PCDH15: variants seen among roughly 807,000 people sequenced by gnomAD.
The protein encoded by PCDH15 is protocadherin-15.
A neutral mutation model predicts 178.5 loss-of-function variants in PCDH15; 129 were observed. The observed-to-expected ratio is 0.72, with a 90% CI of 0.63 to 0.84. The LOEUF is 0.84. Ranked by LOEUF, PCDH15 falls within the 40% of genes least tolerant of loss-of-function variation. The probability of loss-of-function intolerance (pLI) is 0.00; values close to 1 mark genes in which losing one functional copy is unlikely to be tolerated. For missense variants in PCDH15, 2,230 were observed against 2,099.9 expected (o/e 1.06, Z -1.21); for synonymous variants, 800 against 732.0 (o/e 1.09, Z -1.50).
At chr10:55,043,368 T>C (rs1840915665) in intron 2 of PCDH15, among the ~76,000 whole-genome samples, 1 of 152,046 alleles carries the variant, frequency 6.6e-6, no homozygotes, top group African/African-American at 2.4e-5. Flanking sequence ...TGTTCTCTCA[T>C]TGATTCTCTT....
chr10:53,975,208 T>C (rs891066395), intron 21 of PCDH15, among the ~76,000 whole-genome samples: 4 of 152,296 alleles, frequency 2.6e-5, no homozygotes, highest in Admixed American at 6.5e-5. Flanking sequence ...ATTGATTCCA[T>C]GTCTTAGCTA....
chr10:55,392,790 G>C (rs898505755), intron 2 of PCDH15, among the ~76,000 whole-genome samples: 1 of 151,786 alleles, frequency 6.6e-6, no homozygotes, highest in Non-Finnish European at 1.5e-5. Flanking sequence ...TTTGTAGAAG[G>C]CATTTGCAAA....
chr10:54,717,076 G>C (rs1221316573), intron 1 of PCDH15, among the ~76,000 whole-genome samples: 1 of 147,148 alleles, frequency 6.8e-6, no homozygotes, highest in Non-Finnish European at 1.5e-5. Context: ...GCTGAAACTG[G>C]ATCCCTTCCT....
intron 1 of PCDH15, among the ~76,000 whole-genome samples, chr10:54,720,653 T>C (rs192964880): frequency 6.6e-6 from 1 of 152,114 alleles, no homozygotes; most frequent in African/African-American, 2.4e-5. Flanking sequence ...TCAGTACAAC[T>C]TTCTTCACAA....
At chr10:55,049,566 C>CTCTTTCAT (rs1369483588) in intron 2 of PCDH15, among the ~76,000 whole-genome samples, 1 of 151,580 alleles carries the variant, frequency 6.6e-6, no homozygotes, top group African/African-American at 2.4e-5. Flanking sequence ...GAATAGAGAA[C>CTCTTTCAT]TCTTTCATTC....
intron 2 of PCDH15, among the ~76,000 whole-genome samples, chr10:55,125,122 G>A (rs1448112423): frequency 6.6e-6 from 1 of 150,686 alleles, no homozygotes; most frequent in African/African-American, 2.4e-5. Flanking sequence ...GAAAACACAC[G>A]AAACAATCAA....
At chr10:55,409,070 T>C (rs1838272597) in intron 2 of PCDH15, among the ~76,000 whole-genome samples, 1 of 152,060 alleles carries the variant, frequency 6.6e-6, no homozygotes, top group Admixed American at 6.5e-5. Flanking sequence ...CCTAGGTGCT[T>C]CTCAGTAATT....
In PCDH15 at chr10:54,470,172, G is replaced by A. The variant is rs563421498; in HGVS notation, c.157+57640C>T. The stretch of plus-strand genomic sequence containing the variant: ...TGGCAGAAGCTGCACTTGCAGCACT[G>A]CTGTGGGGTTGGGGTGGGGAAGCAG... On this transcript the variant is annotated intron_variant, in intron 3 of 37. Transcript: ENST00000644397. 3.3e-5 allele frequency among the ~76,000 whole-genome samples: 5 copies of A among 152,332 alleles called. No homozygotes were observed. In the East Asian group the frequency reaches 7.7e-4, roughly 24 times the overall value.
At position 54,938,781 on chromosome 10, in the gene PCDH15, C is replaced by T. The variant is rs1285855628; in HGVS notation, c.-79-41281G>A. ...TTTTGGTGATTGCAATCTAACCACA[C>T]GGATCCTTAAAAGTGGAGAACTTTT... On this transcript the variant is annotated intron_variant, in intron 2 of 5. Coordinates refer to the PCDH15 transcript ENST00000458638. 5.3e-5 allele frequency among the ~76,000 whole-genome samples: 8 copies of T among 152,196 alleles called. No homozygotes were observed. The East Asian group carries it at 1.2e-3, about 22-fold the overall frequency.
At chr10:54,749,998 C>G (rs1945992834) in intron 1 of PCDH15, among the ~76,000 whole-genome samples, 1 of 151,194 alleles carries the variant, frequency 6.6e-6, no homozygotes, top group Admixed American at 6.6e-5. Context: ...TATGTGTAGA[C>G]AAGGAGGGGT....
intron 8 of PCDH15, among the ~76,000 whole-genome samples, chr10:54,239,561 T>C (rs2055022347): frequency 6.6e-6 from 1 of 151,838 alleles, no homozygotes; most frequent in African/African-American, 2.4e-5. Flanking sequence ...GGATAGAAAA[T>C]ATTTTACATA....
chr10:54,595,165 G>A (rs1041144019), intron 2 of PCDH15, among the ~76,000 whole-genome samples: 4 of 152,188 alleles, frequency 2.6e-5, no homozygotes, highest in East Asian at 3.9e-4. Flanking sequence ...ATCCCACTAC[G>A]ACTGTCCTAC....
intron 1 of PCDH15, among the ~76,000 whole-genome samples, chr10:54,762,921 G>T (rs1176323134): frequency 1.3e-5 from 2 of 152,080 alleles, no homozygotes; most frequent in African/African-American, 4.8e-5. Context: ...CAATGTTTTT[G>T]TTTTCTTGAA....
In PCDH15 at chr10:54,600,603, G is replaced by C. The variant is rs1339568708; in HGVS notation, c.91+63569C>G. The stretch of plus-strand genomic sequence containing the variant: ...GGTCGAAGAGCATGAAGAGACCTTT[G>C]AGGAGAAACCAGTGTCTACTAAAAA... On this transcript the variant is annotated intron_variant, in intron 2 of 37. Transcript: ENST00000644397. The C allele has an allele frequency of 1.2e-5, 7 of 584,962 alleles. No homozygotes were observed. The Admixed American group carries it at 1.4e-4, about 11-fold the overall frequency. The allele number at this position is 584,962 out of a possible 1,614,324, so 36.2% of individuals were successfully genotyped here. A position where few individuals can be genotyped will look rare whatever the true frequency, so the allele number is the denominator to read the frequency against.
At chr10:54,099,947 C>T (rs1353130110) in intron 15 of PCDH15, among the ~76,000 whole-genome samples, 1 of 152,056 alleles carries the variant, frequency 6.6e-6, no homozygotes, top group Non-Finnish European at 1.5e-5. Flanking sequence ...GCATGTATCC[C>T]TAGACATCTA....
Position 54,599,002 on chromosome 10 carries a change from C to A in PCDH15, c.91+65170G>T, listed in dbSNP as rs183955582. On this transcript the variant is annotated intron_variant, in intron 2 of 37. Transcript: ENST00000644397. ...ACAGAAATAAATTTAAAAAAAAATT[C>A]TATGCTCATGGATAGGAAGATTCAA... is the stretch of plus-strand genomic sequence containing the variant. 4.9e-3 allele frequency among the ~76,000 whole-genome samples: 742 copies of A among 152,114 alleles called. 7 individuals carry two copies. Among genetic ancestry groups the A allele is most frequent in the African/African-American group, 0.017 (714 of 41,532 alleles).
chr10:54,242,181 T>C (rs867220350), intron 8 of PCDH15, among the ~76,000 whole-genome samples: 11 of 82,850 alleles, frequency 1.3e-4, no homozygotes, highest in African/African-American at 4.5e-4. Context: ...TATATATATA[T>C]ATATATACAC....
intron 1 of PCDH15, among the ~76,000 whole-genome samples, chr10:55,205,797 G>A (rs1840382754): frequency 6.6e-6 from 1 of 151,796 alleles, no homozygotes; most frequent in Non-Finnish European, 1.5e-5. Context: ...AGATATAACT[G>A]GGACTGGGCA....
At chr10:54,585,533 A>C (rs542624659) in intron 2 of PCDH15, 17 of 253,088 alleles carry the variant, frequency 6.7e-5, no homozygotes, top group African/African-American at 2.5e-4. Flanking sequence ...ATTTTTTTTA[A>C]CTTCATAGCT....
Sources: gnomAD v4.1 joint callset for allele counts (sites outside exome capture counted in the v4.1 genomes callset) on GRCh38, gnomAD v4.1.1 for gene constraint, MANE v1.5 for transcripts, NCBI Gene and HGNC (gene_info 2026-07-23, HGNC 2026-07-21) for gene names.